Variants in UNC5C observed in about 807,000 individuals in gnomAD.
UNC5C encodes the protein netrin receptor UNC5C.
In UNC5C, 47 loss-of-function variants were observed where a neutral mutation model predicts 99.8. The ratio of observed to expected loss-of-function variants is 0.47; its 90% CI spans 0.37 to 0.60. The LOEUF is 0.60. UNC5C is among the 20% of genes least tolerant of loss of function. The pLI, the probability that UNC5C is intolerant of heterozygous loss-of-function variation, is 0.00. For missense variants in UNC5C, 1,062 were observed against 1,165.9 expected, an observed-to-expected ratio of 0.91 and a Z score of 1.30; for synonymous variants, 487 against 452.2, an observed-to-expected ratio of 1.08 and a Z score of -0.98.
intron 1 of UNC5C, among the ~76,000 whole-genome samples, chr4:95,427,073 G>A (rs59217811): frequency 0.034 from 5,161 of 152,224 alleles, 129 homozygotes; most frequent in African/African-American, 0.058. Context: ...ATGACTTTGA[G>A]GGGGTTCAAG....
chr4:95,293,122 G>A (rs1228789156), intron 3 of UNC5C, among the ~76,000 whole-genome samples: 2 of 151,948 alleles, frequency 1.3e-5, no homozygotes, highest in Non-Finnish European at 2.9e-5. Flanking sequence ...TTAGACTTGG[G>A]GTAAGAATGT....
intron 1 of UNC5C, among the ~76,000 whole-genome samples, chr4:95,464,041 T>C (rs1431196309): frequency 2.6e-5 from 4 of 152,210 alleles, no homozygotes; most frequent in Non-Finnish European, 2.9e-5. Context: ...TAAATACTTT[T>C]GCGTAAGCTG....
chr4:95,286,994 T>G (rs1216915602), intron 3 of UNC5C, among the ~76,000 whole-genome samples: 1 of 152,226 alleles, frequency 6.6e-6, no homozygotes, highest in African/African-American at 2.4e-5. Context: ...GGACTGCTAC[T>G]TTGAGACCAA....
chr4:95,498,740 C>G (rs1424412440), intron 1 of UNC5C, among the ~76,000 whole-genome samples: 1 of 150,610 alleles, frequency 6.6e-6, no homozygotes, highest in African/African-American at 2.4e-5. Flanking sequence ...TCATATATCA[C>G]TATAACTGAA....
intron 1 of UNC5C, among the ~76,000 whole-genome samples, chr4:95,524,186 G>A (rs547629672): frequency 1.3e-5 from 2 of 152,244 alleles, no homozygotes; most frequent in South Asian, 2.1e-4. Context: ...AAGGGTGTTA[G>A]GGTAAGATTG....
At chr4:95,261,291 A>G (rs943202903) in intron 4 of UNC5C, among the ~76,000 whole-genome samples, 1 of 152,114 alleles carries the variant, frequency 6.6e-6, no homozygotes, top group Non-Finnish European at 1.5e-5. Context: ...TATCAACATG[A>G]CCCTGTCACT....
chr4:95,472,954 T>C (rs1273090324), intron 1 of UNC5C, among the ~76,000 whole-genome samples: 1 of 152,038 alleles, frequency 6.6e-6, no homozygotes, highest in Non-Finnish European at 1.5e-5. Context: ...CGTTTATTTG[T>C]AGCAAATTTT....
At chr4:95,183,867 T>A (rs1267974225) in intron 13 of UNC5C, among the ~76,000 whole-genome samples, 1 of 152,064 alleles carries the variant, frequency 6.6e-6, no homozygotes, top group African/African-American at 2.4e-5. Flanking sequence ...TGCAAAAGAG[T>A]AAACAAAGAG....
chr4:95,309,668 A>G (rs1307746298), intron 2 of UNC5C, among the ~76,000 whole-genome samples: 1 of 152,160 alleles, frequency 6.6e-6, no homozygotes, highest in Non-Finnish European at 1.5e-5. Flanking sequence ...GGCCAAGGGT[A>G]TATTAAAATA....
At chr4:95,421,229 T>C (rs913018830) in intron 1 of UNC5C, among the ~76,000 whole-genome samples, 1 of 152,222 alleles carries the variant, frequency 6.6e-6, no homozygotes, top group Non-Finnish European at 1.5e-5. Flanking sequence ...CTAGTTCCTC[T>C]AAAAGTTTCT....
At chr4:95,497,906 T>C (rs1370588829) in intron 1 of UNC5C, among the ~76,000 whole-genome samples, 2 of 151,978 alleles carry the variant, frequency 1.3e-5, no homozygotes, top group East Asian at 3.9e-4. Context: ...TACATAATTC[T>C]TTAATAAGCT....
intron 1 of UNC5C, among the ~76,000 whole-genome samples, chr4:95,474,259 T>C (rs1748062485): frequency 6.6e-6 from 1 of 152,064 alleles, no homozygotes; most frequent in Admixed American, 6.6e-5. Flanking sequence ...CACACACACG[T>C]GTGTGAGTTT....
intron 1 of UNC5C, among the ~76,000 whole-genome samples, chr4:95,412,708 A>G (rs1746031872): frequency 6.6e-6 from 1 of 152,222 alleles, no homozygotes; most frequent in Non-Finnish European, 1.5e-5. Flanking sequence ...TATTCATGTA[A>G]GACAATTAAT....
At chr4:95,435,952 G>A (rs1031764546) in intron 1 of UNC5C, among the ~76,000 whole-genome samples, 4 of 151,880 alleles carry the variant, frequency 2.6e-5, no homozygotes, top group Admixed American at 2.0e-4. Context: ...TTCCAATTTT[G>A]CATAGTGAGA....
intron 1 of UNC5C, among the ~76,000 whole-genome samples, chr4:95,511,962 C>T (rs1172506158): frequency 6.6e-6 from 1 of 152,042 alleles, no homozygotes; most frequent in Non-Finnish European, 1.5e-5. Flanking sequence ...TTGGCAGAAA[C>T]TTGAAGGGTA....
intron 1 of UNC5C, among the ~76,000 whole-genome samples, chr4:95,341,999 C>G (rs570739463): frequency 5.3e-5 from 8 of 152,164 alleles, no homozygotes; most frequent in Non-Finnish European, 1.0e-4. Context: ...CCATCCTTAC[C>G]GTCAGAACCT....
chr4:95,482,672 T>G (rs373642338), intron 1 of UNC5C, among the ~76,000 whole-genome samples: 20 of 134,926 alleles, frequency 1.5e-4, no homozygotes, highest in Non-Finnish European at 3.1e-4. Flanking sequence ...TGGAATACTA[T>G]GCAGCCATAA....
At chr4:95,219,950 T>G (rs1412910905) in intron 8 of UNC5C, 35 bp downstream of exon 8, 1 of 1,593,966 alleles carries the variant, frequency 6.3e-7, no homozygotes. Flanking sequence ...CTTACATGCA[T>G]AAGTAACAGG....
In UNC5C at chr4:95,200,752, C is replaced by G. The variant is rs369408956; in HGVS notation, c.2136+1979G>C. Among the ~76,000 whole-genome samples the G allele has an allele frequency of 9.8e-5, 15 of 152,308 alleles. No individual in the cohort carries two copies. The East Asian group carries it at 2.1e-3, about 22-fold the overall frequency. On this transcript the variant is annotated intron_variant, in intron 12 of 15. Transcript: ENST00000453304. ...GAATCTCTGTTTCAAAATCTGCTCT[C>G]TGTTCAGAGAACCATATCCGTATTT...
Sources: gnomAD v4.1 joint callset for allele counts (sites outside exome capture counted in the v4.1 genomes callset) on GRCh38, gnomAD v4.1.1 for gene constraint, MANE v1.5 for transcripts, NCBI Gene and HGNC (gene_info 2026-07-23, HGNC 2026-07-21) for gene names.